GPC5: variants seen among roughly 807,000 people sequenced by gnomAD.
GPC5 encodes the protein glypican-5.
In GPC5, 47 loss-of-function variants were observed where a neutral mutation model predicts 53.9. The observed-to-expected ratio is 0.87, with a 90% CI of 0.69 to 1.11. The LOEUF (loss-of-function observed/expected upper bound fraction) is 1.11. GPC5 is among the 50% of genes most tolerant of loss of function. GPC5 has a pLI of 0.00. For missense variants in GPC5, 748 were observed against 713.1 expected (o/e 1.05, Z -0.56); for synonymous variants, 286 against 263.3 (o/e 1.09, Z -0.84).
At chr13:92,214,557 T>A (rs2042396941) in intron 7 of GPC5, among the ~76,000 whole-genome samples, 1 of 152,138 alleles carries the variant, frequency 6.6e-6, no homozygotes, top group Non-Finnish European at 1.5e-5. Flanking sequence ...ACTACCACCC[T>A]GATAATAATA....
intron 7 of GPC5, among the ~76,000 whole-genome samples, chr13:92,334,162 A>G (rs532514913): frequency 2.8e-4 from 43 of 152,170 alleles, no homozygotes; most frequent in African/African-American, 1.0e-3. Context: ...TGAGTAATTT[A>G]TAAGGAAAAA....
At chr13:91,853,429 A>G (rs1443885797) in intron 5 of GPC5, among the ~76,000 whole-genome samples, 1 of 152,006 alleles carries the variant, frequency 6.6e-6, no homozygotes, top group Admixed American at 6.6e-5. Context: ...CATCTTAGAA[A>G]AGTGATTACT....
chr13:91,539,137 A>C lies in GPC5; in HGVS notation c.325+90215A>C, dbSNP rs571385193. On this transcript the variant is annotated intron_variant, in intron 2 of 7. Coordinates refer to ENST00000377067, the MANE Select transcript of GPC5 (RefSeq NM_004466.6). Reference sequence around the variant, plus strand: ...TTTTCACAACTGCTCATTACATATTAGTTTTAGGGACCTATGCTTCATCTT... The same window carrying C: ...TTTTCACAACTGCTCATTACATATTCGTTTTAGGGACCTATGCTTCATCTT... Among the ~76,000 whole-genome samples the C allele has an allele frequency of 1.5e-4, 23 of 152,270 alleles. No homozygotes were observed. In the South Asian group the frequency reaches 4.8e-3, roughly 32 times the overall value.
chr13:92,638,086 T>C (rs898246132), intron 7 of GPC5, among the ~76,000 whole-genome samples: 1 of 152,064 alleles, frequency 6.6e-6, no homozygotes, highest in African/African-American at 2.4e-5. Flanking sequence ...AGAACATCAG[T>C]GGGATAACTT....
Position 91,407,666 on chromosome 13 carries a change from C to T in GPC5, c.163+8457C>T, listed in dbSNP as rs866687804. 5.9e-5 allele frequency among the ~76,000 whole-genome samples: 9 copies of T among 152,058 alleles called. 1 individual carries two copies. The highest frequency in any genetic ancestry group is 6.3e-3 in the Middle Eastern group (2 of 316). ...TGTTTCACCCTTGTTAATCCCATGT[C>T]GGGAGTAAAGTATACATCACTCGTC... On this transcript the variant is annotated intron_variant, in intron 1 of 7. Coordinates refer to ENST00000377067, the MANE Select transcript of GPC5 (RefSeq NM_004466.6).
intron 6 of GPC5, among the ~76,000 whole-genome samples, chr13:91,978,393 G>A (rs187686043): frequency 6.6e-6 from 1 of 152,304 alleles, no homozygotes; most frequent in African/African-American, 2.4e-5. Flanking sequence ...TCATTGCACA[G>A]TATTTGATGG....
chr13:92,186,075 G>A (rs934850435), intron 7 of GPC5, among the ~76,000 whole-genome samples: 60 of 152,042 alleles, frequency 3.9e-4, no homozygotes, highest in African/African-American at 1.4e-3. Flanking sequence ...CAAAAATAGG[G>A]AACTCAGAGG....
At chr13:92,863,582 C>T (rs1361579850) in intron 7 of GPC5, among the ~76,000 whole-genome samples, 1 of 152,294 alleles carries the variant, frequency 6.6e-6, no homozygotes, top group East Asian at 1.9e-4. Context: ...CAACCTCCAC[C>T]TCCCGAGTTC....
chr13:92,733,456 C>T (rs574283235), intron 7 of GPC5, among the ~76,000 whole-genome samples: 73 of 151,724 alleles, frequency 4.8e-4, no homozygotes, highest in Non-Finnish European at 9.6e-4. Context: ...TCAAAATCCA[C>T]GACTTGGCAA....
At chr13:92,646,329 T>A (rs1394250305) in intron 7 of GPC5, among the ~76,000 whole-genome samples, 1 of 152,146 alleles carries the variant, frequency 6.6e-6, no homozygotes, top group Non-Finnish European at 1.5e-5. Context: ...TAGCTGACTA[T>A]ATATGTGTGG....
intron 5 of GPC5, among the ~76,000 whole-genome samples, chr13:91,878,387 T>G (rs971354014): frequency 6.6e-6 from 1 of 152,184 alleles, no homozygotes; most frequent in African/African-American, 2.4e-5. Flanking sequence ...GTAAGTAGTA[T>G]TTGTCAAACT....
intron 7 of GPC5, among the ~76,000 whole-genome samples, chr13:92,201,473 A>G (rs1027651335): frequency 2.6e-5 from 4 of 152,240 alleles, no homozygotes; most frequent in African/African-American, 9.6e-5. Context: ...AAAACAAAAA[A>G]ATACATATTG....
intron 5 of GPC5, among the ~76,000 whole-genome samples, chr13:91,797,966 G>A (rs565888721): frequency 3.3e-5 from 5 of 152,232 alleles, no homozygotes; most frequent in East Asian, 1.9e-4. Flanking sequence ...ATTGTTGGGC[G>A]CAGAGTAAAT....
chr13:91,649,366 A>G (rs1042376282), intron 2 of GPC5, among the ~76,000 whole-genome samples: 4 of 152,158 alleles, frequency 2.6e-5, no homozygotes, highest in African/African-American at 9.7e-5. Context: ...GACTGGTTTC[A>G]CATCTTTAAA....
chr13:91,714,465 G>A (rs2036292366), intron 3 of GPC5, among the ~76,000 whole-genome samples: 1 of 152,140 alleles, frequency 6.6e-6, no homozygotes, highest in Non-Finnish European at 1.5e-5. Context: ...CGTATTATGA[G>A]ACTGAGAAAG....
At chr13:91,888,271 C>A (rs933211935) in intron 5 of GPC5, among the ~76,000 whole-genome samples, 16 of 152,238 alleles carry the variant, frequency 1.1e-4, no homozygotes, top group African/African-American at 3.9e-4. Flanking sequence ...CATGGAAAAA[C>A]CCACTCCCAT....
chr13:92,060,282 A>G (rs1452851667), intron 6 of GPC5, among the ~76,000 whole-genome samples: 2 of 152,090 alleles, frequency 1.3e-5, no homozygotes, highest in Non-Finnish European at 2.9e-5. Flanking sequence ...GTAATAGTAG[A>G]TGCCTTTTGT....
intron 5 of GPC5, among the ~76,000 whole-genome samples, chr13:91,868,082 G>C (rs564228433): frequency 2.0e-5 from 3 of 152,150 alleles, no homozygotes. Flanking sequence ...TCAAGAAATT[G>C]TCTTTTTTCA....
At chr13:91,419,595 A>T (rs1351947349) in intron 1 of GPC5, among the ~76,000 whole-genome samples, 1 of 152,154 alleles carries the variant, frequency 6.6e-6, no homozygotes, top group Non-Finnish European at 1.5e-5. Context: ...CAGTAGGTAA[A>T]TTTTCTTTAA....
Sources: allele counts gnomAD v4.1 joint callset (sites outside exome capture counted in the v4.1 genomes callset), GRCh38; gene constraint gnomAD v4.1.1; transcripts MANE v1.5; gene names NCBI Gene and HGNC (gene_info 2026-07-23, HGNC 2026-07-21).